The following HCN1 variants were observed in gnomAD, a reference collection of about 807,000 sequenced individuals.
The protein encoded by HCN1 is potassium/sodium hyperpolarization-activated cyclic nucleotide-gated channel 1.
A neutral mutation model predicts 78.9 loss-of-function variants in HCN1; 13 were observed. The ratio of observed to expected loss-of-function variants is 0.16; its 90% confidence interval spans 0.11 to 0.26. The LOEUF (loss-of-function observed/expected upper bound fraction) is 0.26. Ranked by LOEUF, HCN1 falls within the 10% of genes least tolerant of loss-of-function variation. The pLI is 1.00. For missense variants in HCN1, 810 were observed against 1,154.3 expected, an observed-to-expected ratio of 0.70 and a Z score of 4.32; for synonymous variants, 552 against 455.5, an observed-to-expected ratio of 1.21 and a Z score of -2.70.
At chr5:45,390,494 G>T (rs576195601) in intron 4 of HCN1, among the ~76,000 whole-genome samples, 2 of 150,760 alleles carry the variant, frequency 1.3e-5, no homozygotes, top group African/African-American at 5.0e-5. Context: ...CATATGTGCT[G>T]TAAAAAATAA....
chr5:45,256,746 T>G lies in HCN1; in HGVS notation c.*5175A>C, dbSNP rs548393693. 1.3e-5 allele frequency: 2 copies of G among 152,292 alleles called. No homozygotes were observed. The highest frequency in any genetic ancestry group is 2.4e-5 in the African/African-American group (1 of 41,554). 9.4% of individuals were successfully genotyped at this position (152,292 alleles called of 1,614,324 possible). ...TATATACTGGTCAATTAAAAAAATT[T>G]TTTTTCCTTGTAGAGACCAGGTCTT... On this transcript the variant is annotated 3_prime_UTR_variant, in exon 8 of 8. Coordinates refer to ENST00000303230, the MANE Select transcript of HCN1 (RefSeq NM_021072.4).
intron 2 of HCN1, among the ~76,000 whole-genome samples, chr5:45,564,093 T>C (rs1359442511): frequency 2.0e-5 from 3 of 152,134 alleles, no homozygotes; most frequent in African/African-American, 4.8e-5. Context: ...CTTGACAAAA[T>C]GTAATTTGTT....
intron 5 of HCN1, among the ~76,000 whole-genome samples, chr5:45,343,574 A>G (rs1332645981): frequency 6.6e-6 from 1 of 152,196 alleles, no homozygotes; most frequent in Non-Finnish European, 1.5e-5. Context: ...TACATTCCAA[A>G]TAACTTGTGA....
At chr5:45,477,485 G>GA (rs543276793) in intron 2 of HCN1, among the ~76,000 whole-genome samples, 17 of 152,082 alleles carry the variant, frequency 1.1e-4, no homozygotes, top group South Asian at 2.1e-4. Flanking sequence ...AAAGGTCAGG[G>GA]AAAAAAATAG....
At chr5:45,357,217 T>G (rs992243260) in intron 4 of HCN1, among the ~76,000 whole-genome samples, 4 of 152,044 alleles carry the variant, frequency 2.6e-5, no homozygotes, top group African/African-American at 9.7e-5. Context: ...CTAAGAAAGA[T>G]TGTATGTTTT....
At chr5:45,371,982 A>G (rs1175863957) in intron 4 of HCN1, among the ~76,000 whole-genome samples, 5 of 15,622 alleles carry the variant, frequency 3.2e-4, no homozygotes, top group Non-Finnish European at 5.3e-4. Flanking sequence ...TATGTATATT[A>G]TATATAATGT....
intron 4 of HCN1, among the ~76,000 whole-genome samples, chr5:45,364,432 C>T (rs1479941669): frequency 6.6e-6 from 1 of 151,972 alleles, no homozygotes; most frequent in Non-Finnish European, 1.5e-5. Context: ...TCCTGCATGT[C>T]TTCAAGTCAA....
intron 2 of HCN1, among the ~76,000 whole-genome samples, chr5:45,553,806 C>T (rs1743421590): frequency 6.6e-6 from 1 of 151,768 alleles, no homozygotes; most frequent in Non-Finnish European, 1.5e-5. Flanking sequence ...TCCTTTCATG[C>T]TGTTTTTTAT....
At chr5:45,444,461 G>A (rs949757825) in intron 3 of HCN1, among the ~76,000 whole-genome samples, 1 of 152,062 alleles carries the variant, frequency 6.6e-6, no homozygotes, top group African/African-American at 2.4e-5. Context: ...GAATCTTTAT[G>A]TAGTTAAAAT....
At chr5:45,532,415 A>G (rs1024228227) in intron 2 of HCN1, among the ~76,000 whole-genome samples, 1 of 152,202 alleles carries the variant, frequency 6.6e-6, no homozygotes, top group African/African-American at 2.4e-5. Context: ...ACTTTAGAAA[A>G]GAATGTGATT....
At position 45,348,944 on chromosome 5, in the gene HCN1, G is replaced by C. The variant is rs965250474; in HGVS notation, c.1377+4156C>G. 2.6e-5 allele frequency among the ~76,000 whole-genome samples: 4 copies of C among 152,164 alleles called. No individual in the cohort carries two copies. In the East Asian group the frequency reaches 7.7e-4, roughly 29 times the overall value. On this transcript the variant is annotated intron_variant, in intron 5 of 7. Transcript: ENST00000303230. ...TAAAGGGAAACTTTAACACCCCACTGTCAACATTAGACAGATTAACGAGAC... is the reference window on the plus strand; with the variant it reads ...TAAAGGGAAACTTTAACACCCCACTCTCAACATTAGACAGATTAACGAGAC...
chr5:45,331,445 G>A lies in HCN1; in HGVS notation c.1377+21655C>T, dbSNP rs906434688. Among the ~76,000 whole-genome samples the A allele has an allele frequency of 2.3e-4, 35 of 151,194 alleles. 1 individual carries two copies. In the Admixed American group the frequency reaches 2.3e-3, roughly 10 times the overall value. On this transcript the variant is annotated intron_variant, in intron 5 of 7. Transcript: ENST00000303230. ...ATAAATCCTGTGTATAACCGTAACAGGAGAAGTAGTTTTAAAATATCAAAT... is the reference window on the plus strand; with the variant it reads ...ATAAATCCTGTGTATAACCGTAACAAGAGAAGTAGTTTTAAAATATCAAAT...
intron 2 of HCN1, among the ~76,000 whole-genome samples, chr5:45,567,383 G>A (rs779724645): frequency 2.0e-4 from 30 of 152,070 alleles, no homozygotes; most frequent in Non-Finnish European, 4.3e-4. Context: ...TTCTTACAGG[G>A]TGAAAATGCA....
intron 3 of HCN1, among the ~76,000 whole-genome samples, chr5:45,400,997 C>T (rs985144630): frequency 2.6e-5 from 4 of 152,106 alleles, no homozygotes; most frequent in Admixed American, 2.6e-4. Context: ...GTTTGTTGAT[C>T]ACACCATAGT....
In HCN1 at chr5:45,477,397, C is replaced by T. The variant is rs968434214; in HGVS notation, c.850-15390G>A. Among the ~76,000 whole-genome samples, 13 of 151,790 alleles carry T rather than the reference C, an allele frequency of 8.6e-5. No homozygotes were observed. The South Asian group carries it at 1.2e-3, about 15-fold the overall frequency. On this transcript the variant is annotated intron_variant, in intron 2 of 7. Transcript: ENST00000303230. ...ACAAACTAAAGTACCTAAAAATGTG[C>T]GTTGAGAAATAATAGATAAAAGCCA...
intron 2 of HCN1, among the ~76,000 whole-genome samples, chr5:45,543,081 A>T (rs1285872620): frequency 6.6e-6 from 1 of 152,140 alleles, no homozygotes; most frequent in Non-Finnish European, 1.5e-5. Context: ...CTCTCTGAGA[A>T]GTAATATGCA....
chr5:45,524,134 T>G (rs2111786743), intron 2 of HCN1, among the ~76,000 whole-genome samples: 1 of 152,336 alleles, frequency 6.6e-6, no homozygotes, highest in Non-Finnish European at 1.5e-5. Context: ...TCGCCATTTC[T>G]TGTTTTTCTC....
At chr5:45,546,680 G>A (rs1342676651) in intron 2 of HCN1, among the ~76,000 whole-genome samples, 1 of 151,242 alleles carries the variant, frequency 6.6e-6, no homozygotes, top group African/African-American at 2.4e-5. Flanking sequence ...TATTCTTGGG[G>A]GATTTTGCTT....
chr5:45,264,085 G>A (rs1250485336), intron 7 of HCN1, among the ~76,000 whole-genome samples: 2 of 152,198 alleles, frequency 1.3e-5, no homozygotes, highest in South Asian at 2.1e-4. Flanking sequence ...GAGCCACCAC[G>A]CCCAGCTTCC....
Sources: gnomAD v4.1 joint callset for allele counts (sites outside exome capture counted in the v4.1 genomes callset) on GRCh38, gnomAD v4.1.1 for gene constraint, MANE v1.5 for transcripts, NCBI Gene and HGNC (gene_info 2026-07-23, HGNC 2026-07-21) for gene names.